Variants in SYNE2 observed in about 807,000 individuals in gnomAD.
SYNE2 encodes the protein nesprin-2.
A neutral mutation model predicts 856.3 loss-of-function variants in SYNE2; 431 were observed. The ratio of observed to expected loss-of-function variants is 0.50; its 90% CI spans 0.47 to 0.55. The LOEUF (loss-of-function observed/expected upper bound fraction) is 0.55, where lower values mean the gene tolerates loss of function less well. SYNE2 is among the 20% of genes least tolerant of loss of function. SYNE2 has a pLI of 0.00. For missense variants in SYNE2, 8,129 were observed against 8,023.2 expected (o/e 1.01, Z -0.50); for synonymous variants, 2,923 against 2,872.3 (o/e 1.02, Z -0.56).
At chr14:64,113,868 A>G (rs1355911990) in intron 66 of SYNE2, among the ~76,000 whole-genome samples, 1 of 152,142 alleles carries the variant, frequency 6.6e-6, no homozygotes, top group East Asian at 1.9e-4. Context: ...AGGTTATCTT[A>G]TAGGATTTTT....
intron 2 of SYNE2, among the ~76,000 whole-genome samples, chr14:63,923,988 G>A (rs1418337639): frequency 6.6e-6 from 1 of 150,976 alleles, no homozygotes; most frequent in African/African-American, 2.4e-5. Flanking sequence ...TTTTATTTTT[G>A]TAGAGACACG....
chr14:64,072,317 G>A (rs114144919), intron 52 of SYNE2, among the ~76,000 whole-genome samples: 1,942 of 152,212 alleles, frequency 0.013, 47 homozygotes, highest in African/African-American at 0.044. Context: ...AAGCACTTCT[G>A]ACACCATGTT....
Position 64,002,090 on chromosome 14 carries a change from A to G in SYNE2, c.3786+9A>G, listed in dbSNP as rs2096759458. 6.3e-7 allele frequency: 1 copy of G among 1,598,648 alleles called. No homozygotes were observed. Among genetic ancestry groups the G allele is most frequent in the Non-Finnish European group, 8.6e-7 (1 of 1,166,114 alleles). ...TCTATCAACACCTAAGGGTAAGTATATAAGTTCTCACAGTGTATTTACAGA... is the reference window on the plus strand; with the variant it reads ...TCTATCAACACCTAAGGGTAAGTATGTAAGTTCTCACAGTGTATTTACAGA... On this transcript the variant is annotated intron_variant, in intron 29 of 115. Transcript: ENST00000555002.
intron 45 of SYNE2, among the ~76,000 whole-genome samples, chr14:64,037,924 C>G (rs891310496): frequency 1.3e-5 from 2 of 151,682 alleles, no homozygotes; most frequent in African/African-American, 2.4e-5. Flanking sequence ...GACCGGGCGG[C>G]TGGCCGGGCG....
chr14:63,955,049 C>G (rs564635490), intron 8 of SYNE2, 134 bp downstream of exon 8: 10 of 739,376 alleles, frequency 1.4e-5, no homozygotes, highest in Non-Finnish European at 2.0e-5. Context: ...AGCTCTTTAT[C>G]GAATTTGATG....
intron 63 of SYNE2, chr14:64,100,191 G>A (rs2097709652): frequency 6.6e-6 from 1 of 151,924 alleles, no homozygotes; most frequent in African/African-American, 2.4e-5. Flanking sequence ...GGACATGGAT[G>A]AAATTGAAAA....
In SYNE2 at chr14:64,137,920, C is replaced by G. The variant is rs1343435560; in HGVS notation, c.14780C>G (p.Ser4927Cys). Residue 4927 changes from serine (S) to cysteine (C), a missense_variant, in exon 79 of 116, where the codon TCC becomes TGC. Ser to Cys is a moderately radical substitution (Grantham distance 112). This residue lies in a region of SYNE2 where 5,410 missense variants were observed against 5,284.8 expected (regional missense o/e 1.02). Transcript: ENST00000555002. ...GCAAAACTGGAAGAGCAGTGGTTGTCCCTGAACAAGAAAATTGACCATGAG... is the reference window on the plus strand; with the variant it reads ...GCAAAACTGGAAGAGCAGTGGTTGTGCCTGAACAAGAAAATTGACCATGAG... ...QIAKLEEQWL[S>C]LNKKIDHELH... The G allele has an allele frequency of 1.9e-6, 3 of 1,614,036 alleles. No individual in the cohort carries two copies. The African/African-American group carries it at 4.0e-5, about 22-fold the overall frequency.
At chr14:63,901,009 CA>C (rs1408756227) in intron 1 of SYNE2, among the ~76,000 whole-genome samples, 5 of 152,176 alleles carry the variant, frequency 3.3e-5, no homozygotes, top group Non-Finnish European at 7.3e-5. Flanking sequence ...GCTTTAAAAT[CA>C]CTCTGTTAAA....
chr14:64,141,399 G>A lies in SYNE2; in HGVS notation c.15035G>A (p.Gly5012Glu), dbSNP rs1436028046. ...TTGAAGACTGCCGTTATCAGTATCG[G>A]GAACCAGCTTCTTCACCTGAAAGAA... ...SSLKTAVISI[G>E]NQLLHLKETD... The change falls in exon 81 of 116, where the codon GGG becomes GAG. Residue 5012 changes from glycine (G) to glutamate (E), a missense_variant. Coordinates refer to ENST00000555002, the MANE Select transcript of SYNE2 (RefSeq NM_182914.3). 1 of 1,613,960 alleles carries A rather than the reference G, an allele frequency of 6.2e-7. No homozygotes were observed. Among genetic ancestry groups the A allele is most frequent in the African/African-American group, 1.3e-5 (1 of 74,990 alleles).
intron 1 of SYNE2, among the ~76,000 whole-genome samples, chr14:63,861,904 TG>T (rs1277616987): frequency 6.6e-6 from 1 of 152,234 alleles, no homozygotes; most frequent in Non-Finnish European, 1.5e-5. Context: ...AACTTTATTA[TG>T]AAAAATTTCA....
chr14:64,110,205 T>C (rs1434118661), intron 65 of SYNE2, among the ~76,000 whole-genome samples: 1 of 152,204 alleles, frequency 6.6e-6, no homozygotes, highest in African/African-American at 2.4e-5. Flanking sequence ...AATGTAAAGG[T>C]TTGCTATTTT....
At chr14:63,800,267 A>G (rs973057946) in intron 1 of SYNE2, among the ~76,000 whole-genome samples, 30 of 151,886 alleles carry the variant, frequency 2.0e-4, no homozygotes, top group Non-Finnish European at 2.8e-4. Context: ...TCTGTTGCCC[A>G]GGCTGGAGTA....
Position 64,176,769 on chromosome 14 carries a change from AC to A in SYNE2, c.17431-588del, listed in dbSNP as rs543353430. Among the ~76,000 whole-genome samples, 645 of 151,726 alleles carry A rather than the reference AC, an allele frequency of 4.3e-3. 3 individuals carry two copies. Among genetic ancestry groups the A allele is most frequent in the African/African-American group, 0.015 (620 of 41,432 alleles). On this transcript the variant is annotated intron_variant, in intron 95 of 115. Coordinates refer to ENST00000555002, the MANE Select transcript of SYNE2 (RefSeq NM_182914.3). ...GAGAGGGATTGGGGAGAGAGGAAGA[AC>A]TTTTTTATTTTTATTTATTTATTTA...
intron 65 of SYNE2, among the ~76,000 whole-genome samples, chr14:64,107,852 A>G (rs949859477): frequency 1.3e-5 from 2 of 152,230 alleles, no homozygotes; most frequent in Admixed American, 6.5e-5. Context: ...GTCATCATGA[A>G]ATAGTCTTTC....
intron 65 of SYNE2, among the ~76,000 whole-genome samples, chr14:64,107,894 G>A (rs914221560): frequency 3.9e-5 from 6 of 152,192 alleles, no homozygotes; most frequent in African/African-American, 1.4e-4. Flanking sequence ...TCTGTAGATA[G>A]AACTTATGGG....
intron 2 of SYNE2, among the ~76,000 whole-genome samples, chr14:63,937,262 G>A (rs1351506275): frequency 6.6e-6 from 1 of 152,224 alleles, no homozygotes; most frequent in Non-Finnish European, 1.5e-5. Context: ...TGCCGCAAAG[G>A]AGCAGACAAA....
chr14:64,217,948 CT>C (rs2098674674), intron 108 of SYNE2, among the ~76,000 whole-genome samples: 1 of 152,174 alleles, frequency 6.6e-6, no homozygotes, highest in Non-Finnish European at 1.5e-5. Flanking sequence ...CAGATTCATC[CT>C]CTGTGCATTT....
chr14:64,031,362 G>C lies in SYNE2; in HGVS notation c.7221+5G>C, dbSNP rs767909847. The C allele has an allele frequency of 8.7e-6, 14 of 1,612,762 alleles. No individual in the cohort carries two copies. The highest frequency in any genetic ancestry group is 1.2e-5 in the Non-Finnish European group (14 of 1,179,072). On this transcript the variant is annotated splice_donor_5th_base_variant and intron_variant, in intron 45 of 115. Transcript: ENST00000555002. Reference sequence around the variant, plus strand: ...GAAGACTGGGAAATAAACAAGGTAAGTGCTTGTGATTGCACTTTCAAGACA... The same window carrying C: ...GAAGACTGGGAAATAAACAAGGTAACTGCTTGTGATTGCACTTTCAAGACA...
rs1555547784 is a variant in SYNE2 at position 64,208,950 on chromosome 14, G to A, written c.18389+5G>A. ...GTCCATGGAGCGGCGCATGAAGTAA[G>A]AACTAAGCTCCCCCAAATGCCTTCA... is the stretch of plus-strand genomic sequence containing the variant. On this transcript the variant is annotated splice_donor_5th_base_variant and intron_variant, in intron 101 of 115. Coordinates refer to ENST00000555002, the MANE Select transcript of SYNE2 (RefSeq NM_182914.3). 1.9e-6 allele frequency: 3 copies of A among 1,613,490 alleles called. No individual in the cohort carries two copies. Among genetic ancestry groups the A allele is most frequent in the Non-Finnish European group, 2.5e-6 (3 of 1,179,864 alleles).
Sources: gnomAD v4.1 joint callset for allele counts (sites outside exome capture counted in the v4.1 genomes callset) on GRCh38, gnomAD v4.1.1 for gene constraint, gnomAD v4.1.1 regional missense constraint, MANE v1.5 for transcripts, NCBI Gene and HGNC (gene_info 2026-07-23, HGNC 2026-07-21) for gene names.